Variants in GRIK4 observed in about 807,000 individuals in gnomAD.
The protein encoded by GRIK4 is glutamate receptor ionotropic, kainate 4.
In GRIK4, 40 loss-of-function variants were observed where a neutral mutation model predicts 104.9. That is an observed-to-expected ratio of 0.38 (90% CI 0.30 to 0.50). The LOEUF is 0.50. Among genes scored for constraint, GRIK4 ranks in the 20% least tolerant of loss-of-function variants. The probability of loss-of-function intolerance (pLI) is 0.93; values close to 1 mark genes in which losing one functional copy is unlikely to be tolerated. For missense variants in GRIK4, 1,047 were observed against 1,308.1 expected, an observed-to-expected ratio of 0.80 and a Z score of 3.08; for synonymous variants, 485 against 524.9, an observed-to-expected ratio of 0.92 and a Z score of 1.04.
intron 11 of GRIK4, among the ~76,000 whole-genome samples, chr11:120,879,394 G>A (rs1388321743): frequency 6.6e-6 from 1 of 152,190 alleles, no homozygotes; most frequent in African/African-American, 2.4e-5. Flanking sequence ...CTGGATGAGT[G>A]ACTATTTAAA....
At chr11:120,641,061 A>G (rs746561224) in intron 1 of GRIK4, among the ~76,000 whole-genome samples, 1 of 152,084 alleles carries the variant, frequency 6.6e-6, no homozygotes, top group Non-Finnish European at 1.5e-5. Context: ...CCTTGGCTTG[A>G]CTCTACAGGC....
At chr11:120,804,912 A>T (rs191358092) in intron 4 of GRIK4, among the ~76,000 whole-genome samples, 1 of 152,322 alleles carries the variant, frequency 6.6e-6, no homozygotes, top group East Asian at 1.9e-4. Context: ...GGGCCATACC[A>T]TATAGAACAG....
At chr11:120,972,897 G>A (rs576967349) in intron 19 of GRIK4, among the ~76,000 whole-genome samples, 8 of 152,154 alleles carry the variant, frequency 5.3e-5, no homozygotes, top group African/African-American at 1.2e-4. Context: ...CGTAAGAGGC[G>A]GCACGTAGGG....
rs1172160547 is a variant in GRIK4, at chr11:120,986,026, C to T, written c.2637C>T (p.Arg879=). 1.3e-6 allele frequency: 2 copies of T among 1,525,506 alleles called. No homozygotes were observed. The highest frequency in any genetic ancestry group is 2.6e-5 in the East Asian group (1 of 38,304). The allele number at this position is 1,525,506 out of a possible 1,614,324, so 94.5% of individuals were successfully genotyped here. ...PPPRPPIPEE[R]RPRGTATLSN... is the part of the protein sequence containing the mutation. ...CCCGGCCCCCCATCCCCGAGGAGCG[C>T]CGACCGCGGGGCACGGCGACGCTCA... is the stretch of plus-strand genomic sequence containing the variant. The change falls in exon 21 of 21, where the codon CGC becomes CGT. Residue 879 remains arginine (R), a synonymous_variant. Transcript: ENST00000527524.
intron 8 of GRIK4, among the ~76,000 whole-genome samples, chr11:120,843,190 G>A (rs1040219585): frequency 6.6e-6 from 1 of 152,276 alleles, no homozygotes; most frequent in African/African-American, 2.4e-5. Context: ...GGCATTGCAG[G>A]TGGTGTGACT....
At position 120,639,936 on chromosome 11, in the gene GRIK4, A is replaced by G. The variant is rs771547874; in HGVS notation, c.-158-13749A>G. ...TGGAGCCATCTTTGACCCGGATCCT[A>G]TTCCCCCAGGGCAGCACCCCTCATT... On this transcript the variant is annotated intron_variant, in intron 1 of 20. Transcript: ENST00000527524. Among the ~76,000 whole-genome samples, 76 of 152,188 alleles carry G rather than the reference A, an allele frequency of 5.0e-4. 1 individual carries two copies. The highest frequency in any genetic ancestry group is 2.5e-3 in the Admixed American group (39 of 15,298).
intron 1 of GRIK4, among the ~76,000 whole-genome samples, chr11:120,529,496 T>C (rs1220765211): frequency 6.6e-6 from 1 of 152,160 alleles, no homozygotes; most frequent in Non-Finnish European, 1.5e-5. Flanking sequence ...CACATCTGTT[T>C]TGCACAGCGC....
intron 7 of GRIK4, among the ~76,000 whole-genome samples, chr11:120,834,850 G>A (rs565219049): frequency 7.9e-5 from 12 of 152,334 alleles, no homozygotes; most frequent in South Asian, 2.1e-4. Flanking sequence ...TTCACAAAGC[G>A]GGTTTTAGCT....
At chr11:120,540,194 A>G (rs1174597450) in intron 1 of GRIK4, among the ~76,000 whole-genome samples, 2 of 152,184 alleles carry the variant, frequency 1.3e-5, no homozygotes, top group Non-Finnish European at 2.9e-5. Flanking sequence ...GATGTGGGAA[A>G]GTGCATGGAG....
intron 3 of GRIK4, among the ~76,000 whole-genome samples, chr11:120,744,976 C>T (rs1033248108): frequency 2.0e-5 from 3 of 152,180 alleles, no homozygotes; most frequent in African/African-American, 7.2e-5. Flanking sequence ...CCCAATTCTA[C>T]CACGGTGGTA....
At chr11:120,938,052 A>T (rs907908750) in intron 13 of GRIK4, among the ~76,000 whole-genome samples, 3 of 152,012 alleles carry the variant, frequency 2.0e-5, no homozygotes, top group Non-Finnish European at 1.5e-5. Context: ...TAATCTTGCC[A>T]TCTTTCCTCC....
chr11:120,834,395 C>T (rs1391238943), intron 7 of GRIK4, among the ~76,000 whole-genome samples: 1 of 152,074 alleles, frequency 6.6e-6, no homozygotes, highest in East Asian at 1.9e-4. Flanking sequence ...CCTGAGCTCA[C>T]CTGTCAGCCC....
At chr11:120,711,898 A>G (rs1330505137) in intron 3 of GRIK4, among the ~76,000 whole-genome samples, 3 of 152,220 alleles carry the variant, frequency 2.0e-5, no homozygotes, top group African/African-American at 7.2e-5. Context: ...AGTCCTAGCA[A>G]CTGAATCCTA....
At chr11:120,748,789 C>G (rs1951493461) in intron 3 of GRIK4, among the ~76,000 whole-genome samples, 1 of 152,168 alleles carries the variant, frequency 6.6e-6, no homozygotes, top group African/African-American at 2.4e-5. Flanking sequence ...AACCACAGGA[C>G]AGCGAATTGC....
chr11:120,781,071 A>G (rs1156254235), intron 3 of GRIK4, among the ~76,000 whole-genome samples: 1 of 150,048 alleles, frequency 6.7e-6, no homozygotes. Context: ...TGGCTGTACC[A>G]TTTTACATTC....
intron 3 of GRIK4, among the ~76,000 whole-genome samples, chr11:120,769,898 C>T (rs1319437519): frequency 1.3e-5 from 2 of 152,216 alleles, no homozygotes; most frequent in East Asian, 3.8e-4. Flanking sequence ...CCAACAGTTT[C>T]TGGGCAACAC....
chr11:120,638,249 C>A (rs542653950), intron 1 of GRIK4, among the ~76,000 whole-genome samples: 4 of 152,264 alleles, frequency 2.6e-5, no homozygotes, highest in African/African-American at 9.6e-5. Flanking sequence ...AGCTCTTTGA[C>A]AAATACTGAC....
At chr11:120,844,269 C>G (rs1444357426) in intron 8 of GRIK4, among the ~76,000 whole-genome samples, 1 of 152,194 alleles carries the variant, frequency 6.6e-6, no homozygotes, top group Non-Finnish European at 1.5e-5. Context: ...TTAAATGTCA[C>G]TTCCCCAAGG....
At chr11:120,759,948 A>G (rs1400299414) in intron 3 of GRIK4, among the ~76,000 whole-genome samples, 1 of 152,108 alleles carries the variant, frequency 6.6e-6, no homozygotes, top group Non-Finnish European at 1.5e-5. Flanking sequence ...GTCTATTATC[A>G]CACATACTTT....
Sources: gnomAD v4.1 joint callset for allele counts (sites outside exome capture counted in the v4.1 genomes callset) on GRCh38, gnomAD v4.1.1 for gene constraint, MANE v1.5 for transcripts, NCBI Gene and HGNC (gene_info 2026-07-23, HGNC 2026-07-21) for gene names.